METAP1: variants seen among roughly 807,000 people sequenced by gnomAD.
METAP1 encodes methionyl aminopeptidase 1.
Under a neutral mutation model 53.8 loss-of-function variants are expected in METAP1, and 28 were observed. The ratio of observed to expected loss-of-function variants is 0.52; its 90% CI spans 0.39 to 0.71. The LOEUF (loss-of-function observed/expected upper bound fraction) is 0.71. Ranked by LOEUF, METAP1 falls within the 30% of genes least tolerant of loss-of-function variation. METAP1 has a pLI of 0.00. For synonymous variants in METAP1, 181 were observed against 165.7 expected (o/e 1.09, Z -0.71); for missense variants, 389 against 479.8 (o/e 0.81, Z 1.77).
chr4:99,034,457 C>A, intron 3 of METAP1, 115 bp downstream of exon 3: 1 of 683,520 alleles, frequency 1.5e-6, no homozygotes, highest in Non-Finnish European at 2.6e-6. Context: ...TACAAAGGAA[C>A]TCGAATTTTA....
At chr4:99,029,417 A>C (rs972729359) in intron 2 of METAP1, among the ~76,000 whole-genome samples, 24 of 152,208 alleles carry the variant, frequency 1.6e-4, no homozygotes, top group African/African-American at 5.3e-4. Context: ...GTGACACTAC[A>C]AAGTAAAACT....
Position 99,044,318 on chromosome 4 carries a change from A to G in METAP1, c.656-861A>G, listed in dbSNP as rs1726075343. ...TATCAAATGAGGAAGCATGAGCCCA[A>G]GTGTTAGAGGCTGCAGATAATTGAC... On this transcript the variant is annotated intron_variant, in intron 7 of 10. Coordinates refer to ENST00000296411, the MANE Select transcript of METAP1 (RefSeq NM_015143.3). Among the ~76,000 whole-genome samples the G allele has an allele frequency of 2.0e-5, 3 of 152,150 alleles. No individual in the cohort carries two copies. In the South Asian group the frequency reaches 6.2e-4, roughly 31 times the overall value.
At position 99,048,743 on chromosome 4, in the gene METAP1, T is replaced by G; in HGVS notation, c.798T>G (p.Gly266=). 1.2e-6 allele frequency: 2 copies of G among 1,613,808 alleles called. No homozygotes were observed. The highest frequency in any genetic ancestry group is 1.7e-6 in the Non-Finnish European group (2 of 1,179,822). The change falls in exon 9 of 11, where the codon GGT becomes GGG. Residue 266 remains glycine, a synonymous_variant. Coordinates refer to ENST00000296411, the MANE Select transcript of METAP1 (RefSeq NM_015143.3). ...CTTTTTTCCTTTCAGTGAAGCCTGGTGTTCGGTACAGAGAATTGGGAAACA... is the reference window on the plus strand; with the variant it reads ...CTTTTTTCCTTTCAGTGAAGCCTGGGGTTCGGTACAGAGAATTGGGAAACA... ...LMQAIDAVKP[G]VRYRELGNII...
At chr4:99,042,054 T>C (rs1169808448) in intron 6 of METAP1, among the ~76,000 whole-genome samples, 1 of 151,904 alleles carries the variant, frequency 6.6e-6, no homozygotes, top group Non-Finnish European at 1.5e-5. Flanking sequence ...GTAGGTACTA[T>C]TGTAATCTCC....
chr4:99,007,562 C>CTT (rs879645089), intron 1 of METAP1, among the ~76,000 whole-genome samples: 2 of 143,368 alleles, frequency 1.4e-5, no homozygotes, highest in South Asian at 2.2e-4. Context: ...AATAGCTGAT[C>CTT]TTTTTTTTTT....
chr4:99,061,957 C>G lies in METAP1; in HGVS notation c.*640C>G, dbSNP rs1224587382. The G allele has an allele frequency of 5.3e-5, 8 of 152,170 alleles. No individual in the cohort carries two copies. The highest frequency in any genetic ancestry group is 9.7e-5 in the African/African-American group (4 of 41,442). The allele number at this position is 152,170 out of a possible 1,614,324, so 9.4% of individuals were successfully genotyped here. ...AATGAGACTTTCTCCAATGTGGACTCTGTGTGTCAGTGAATGAATGTAGTA... is the reference window on the plus strand; with the variant it reads ...AATGAGACTTTCTCCAATGTGGACTGTGTGTGTCAGTGAATGAATGTAGTA... On this transcript the variant is annotated 3_prime_UTR_variant, in exon 11 of 11. Transcript: ENST00000296411.
chr4:99,041,866 A>AAAATGTTTAT (rs149884232), intron 6 of METAP1, among the ~76,000 whole-genome samples: 14,438 of 151,412 alleles, frequency 0.095, 2,303 homozygotes, highest in African/African-American at 0.33. Flanking sequence ...TTGAGCTATG[A>AAAATGTTTAT]AAATGTTTAT....
intron 1 of METAP1, among the ~76,000 whole-genome samples, chr4:99,009,328 G>A (rs1237020521): frequency 1.3e-5 from 2 of 152,150 alleles, no homozygotes; most frequent in Non-Finnish European, 2.9e-5. Context: ...TTATGAACAC[G>A]AGCGTGCAAA....
chr4:99,029,477 T>G (rs1724832955), intron 2 of METAP1, among the ~76,000 whole-genome samples: 1 of 152,202 alleles, frequency 6.6e-6, no homozygotes, highest in Non-Finnish European at 1.5e-5. Context: ...GTAGCTGAGA[T>G]TCACATTGCC....
chr4:99,050,468 G>A (rs943437991), intron 9 of METAP1, among the ~76,000 whole-genome samples: 1 of 152,188 alleles, frequency 6.6e-6, no homozygotes, highest in Non-Finnish European at 1.5e-5. Context: ...AATCCTAGAC[G>A]TGGATAGTTG....
chr4:99,002,805 T>C (rs1411704650), intron 1 of METAP1, among the ~76,000 whole-genome samples: 1 of 152,208 alleles, frequency 6.6e-6, no homozygotes, highest in Non-Finnish European at 1.5e-5. Flanking sequence ...CCAGGCGCCG[T>C]GGCTTATGCC....
rs142456262 is a variant in METAP1, at chr4:99,061,206, C to G, written c.1050C>G (p.Asp350Glu). 1 of 1,613,808 alleles carries G rather than the reference C, an allele frequency of 6.2e-7. No individual in the cohort carries two copies. Among genetic ancestry groups the G allele is most frequent in the Non-Finnish European group, 8.5e-7 (1 of 1,179,868 alleles). ...WPDGWTAVTR[D>E]GKRSAQFEHT... ...ATGGTTGGACTGCGGTGACAAGAGA[C>G]GGAAAGCGGTCTGCTCAGTTTGAGC... Residue 350 changes from aspartate to glutamate, a missense_variant, in exon 11 of 11, where the codon GAC becomes GAG. Transcript: ENST00000296411.
intron 1 of METAP1, among the ~76,000 whole-genome samples, chr4:99,016,079 A>G (rs1329452024): frequency 6.6e-6 from 1 of 152,110 alleles, no homozygotes; most frequent in Admixed American, 6.5e-5. Context: ...CTTTATGAAG[A>G]CGTGGTCTCC....
chr4:99,016,902 T>G (rs1723799160), intron 1 of METAP1, among the ~76,000 whole-genome samples: 1 of 152,158 alleles, frequency 6.6e-6, no homozygotes, highest in South Asian at 2.1e-4. Flanking sequence ...TCATAAGGGG[T>G]TTGGAGAGCA....
chr4:99,020,252 T>C (rs928041983), intron 1 of METAP1, among the ~76,000 whole-genome samples: 1 of 152,216 alleles, frequency 6.6e-6, no homozygotes, highest in Non-Finnish European at 1.5e-5. Flanking sequence ...CTGGGTCATC[T>C]AGCAAAGGCT....
intron 9 of METAP1, among the ~76,000 whole-genome samples, chr4:99,050,172 C>T (rs1436607539): frequency 6.6e-6 from 1 of 152,048 alleles, no homozygotes; most frequent in African/African-American, 2.4e-5. Flanking sequence ...GGTGGGTGAA[C>T]ATGGGTGCTT....
chr4:99,053,240 G>C (rs754928965), intron 9 of METAP1, among the ~76,000 whole-genome samples: 1 of 152,018 alleles, frequency 6.6e-6, no homozygotes, highest in Non-Finnish European at 1.5e-5. Flanking sequence ...ACAATTTTTT[G>C]GTTTTGGTTT....
At chr4:99,009,689 G>A (rs1723376754) in intron 1 of METAP1, among the ~76,000 whole-genome samples, 1 of 152,094 alleles carries the variant, frequency 6.6e-6, no homozygotes, top group African/African-American at 2.4e-5. Context: ...GTCTGCTTAA[G>A]TCTTTTGCCC....
intron 10 of METAP1, among the ~76,000 whole-genome samples, chr4:99,059,092 T>C (rs546526909): frequency 2.0e-5 from 3 of 152,362 alleles, no homozygotes; most frequent in African/African-American, 7.2e-5. Flanking sequence ...TAGCACCTGG[T>C]TGGTGAGCCA....
Sources: allele counts gnomAD v4.1 joint callset (sites outside exome capture counted in the v4.1 genomes callset), GRCh38; gene constraint gnomAD v4.1.1; transcripts MANE v1.5; gene names NCBI Gene and HGNC (gene_info 2026-07-23, HGNC 2026-07-21).